Variants in NOL12 observed in about 807,000 individuals in gnomAD.
NOL12 encodes the protein nucleolar protein 12.
Under a neutral mutation model 25.2 loss-of-function variants are expected in NOL12, and 21 were observed. The observed-to-expected ratio is 0.83, with a 90% CI of 0.59 to 1.20. The LOEUF (loss-of-function observed/expected upper bound fraction) is 1.20. NOL12 is among the 50% of genes most tolerant of loss of function. The pLI, the probability that NOL12 is intolerant of heterozygous loss-of-function variation, is 0.00. For missense variants in NOL12, 286 were observed against 287.6 expected (o/e 0.99, Z 0.04); for synonymous variants, 133 against 113.8 (o/e 1.17, Z -1.08).
chr22:37,687,570 C>G (rs767891283), intron 1 of NOL12, among the ~76,000 whole-genome samples: 1 of 152,078 alleles, frequency 6.6e-6, no homozygotes, highest in African/African-American at 2.4e-5. Flanking sequence ...CAATTCTCCC[C>G]GCTCAGCCTC....
In NOL12 at chr22:37,691,387, C is replaced by A. The variant is rs1371089152; in HGVS notation, c.*51C>A. 6.5e-7 allele frequency: 1 copy of A among 1,528,268 alleles called. No individual in the cohort carries two copies. The highest frequency in any genetic ancestry group is 1.4e-5 in the African/African-American group (1 of 72,634). The allele number at this position is 1,528,268 out of a possible 1,614,324, so 94.7% of individuals were successfully genotyped here. On this transcript the variant is annotated 3_prime_UTR_variant, in exon 6 of 6. Coordinates refer to ENST00000359114, the MANE Select transcript of NOL12 (RefSeq NM_024313.3). Reference sequence around the variant, plus strand: ...TCTAGGCTGCGGGGACCTGTCCTTGCTCAGCTTGGCTGTCCCTGTAGCCCA... The same window carrying A: ...TCTAGGCTGCGGGGACCTGTCCTTGATCAGCTTGGCTGTCCCTGTAGCCCA...
At chr22:37,688,270 G>A in intron 2 of NOL12, 42 bp from the exon 3 acceptor site, 1 of 1,605,396 alleles carries the variant, frequency 6.2e-7, no homozygotes, top group Non-Finnish European at 8.5e-7. Flanking sequence ...AGGTTGGACT[G>A]AGAGGCCATA....
rs370018149 is a variant in NOL12, at chr22:37,687,947, C to G, written c.121C>G (p.Arg41Gly). 6.3e-7 allele frequency: 1 copy of G among 1,586,888 alleles called. No homozygotes were observed. Among genetic ancestry groups the G allele is most frequent in the Admixed American group, 1.8e-5 (1 of 56,006 alleles). Reference sequence around the variant, plus strand: ...AGGCTTCCACAAGCGGAAGGTCGAGCGAAAGAAGGCAGCCATTGAGGAGAT... The same window carrying G: ...AGGCTTCCACAAGCGGAAGGTCGAGGGAAAGAAGGCAGCCATTGAGGAGAT... ...LTGFHKRKVE[R>G]KKAAIEEIKQ... Residue 41 changes from arginine to glycine, a missense_variant, in exon 2 of 6, where the codon CGA (arginine) becomes GGA (glycine). Physicochemically the swap from Arg to Gly is moderately radical, Grantham distance 125 (BLOSUM62 -2). Coordinates refer to ENST00000359114, the MANE Select transcript of NOL12 (RefSeq NM_024313.3).
At chr22:37,690,634 G>A in intron 4 of NOL12, 63 bp from the exon 5 acceptor site, 5 of 1,251,856 alleles carry the variant, frequency 4.0e-6, no homozygotes, top group Non-Finnish European at 5.7e-6. Context: ...GGTGGCTCGG[G>A]GTGCCCAGCC....
chr22:37,692,354 C>A lies in NOL12; in HGVS notation c.*1018C>A, dbSNP rs975692345. ...CCTGGGCAACGTTGTGACCTTGTCT[C>A]AAAAAAAAACTAAAAAATAAAGCAG... On this transcript the variant is annotated 3_prime_UTR_variant, in exon 6 of 6. Coordinates refer to ENST00000359114, the MANE Select transcript of NOL12 (RefSeq NM_024313.3). 8.5e-5 allele frequency: 33 copies of A among 387,352 alleles called. No individual in the cohort carries two copies. Among genetic ancestry groups the A allele is most frequent in the Non-Finnish European group, 1.3e-4 (29 of 219,886 alleles). The allele number at this position is 387,352 out of a possible 1,614,324, so 24.0% of individuals were successfully genotyped here.
intron 3 of NOL12, 54 bp from the exon 4 acceptor site, chr22:37,688,796 G>C: frequency 6.2e-7 from 1 of 1,605,378 alleles, no homozygotes; most frequent in Non-Finnish European, 8.5e-7. Flanking sequence ...AGGGAGGCTG[G>C]AGCCTGGTCA....
In NOL12 at chr22:37,691,443, A is replaced by G; in HGVS notation, c.*107A>G. On this transcript the variant is annotated 3_prime_UTR_variant, in exon 6 of 6. Coordinates refer to ENST00000359114, the MANE Select transcript of NOL12 (RefSeq NM_024313.3). ...CACCTAGGTAATGACTGCACAGCTCAAGGTTGGGAAGCCAGGACCTCTCTG... is the reference window on the plus strand; with the variant it reads ...CACCTAGGTAATGACTGCACAGCTCGAGGTTGGGAAGCCAGGACCTCTCTG... The G allele has an allele frequency of 7.8e-7, 1 of 1,275,932 alleles. No individual in the cohort carries two copies. The allele number at this position is 1,275,932 out of a possible 1,614,324, so 79.0% of individuals were successfully genotyped here.
At chr22:37,688,125 G>T (rs1921905039) in intron 2 of NOL12, 110 bp downstream of exon 2, 15 of 1,120,124 alleles carry the variant, frequency 1.3e-5, no homozygotes, top group Non-Finnish European at 1.6e-5. Flanking sequence ...GTGTGGGCAG[G>T]ACTGGGGAAT....
intron 1 of NOL12, 57 bp downstream of exon 1, chr22:37,686,532 G>C (rs1921822305): frequency 6.7e-6 from 10 of 1,483,052 alleles, no homozygotes; most frequent in East Asian, 2.7e-5. Flanking sequence ...GCCAAGGCCA[G>C]GTCTGGGGCC....
chr22:37,687,249 C>A, intron 1 of NOL12: 2 of 237,360 alleles, frequency 8.4e-6, no homozygotes, highest in Non-Finnish European at 1.3e-5. Flanking sequence ...ACCTCATGTA[C>A]TGTGTGTGGC....
rs1395092547 is a variant in NOL12 at position 37,688,963 on chromosome 22, G to A, written c.352G>A (p.Ala118Thr). 2 of 1,613,212 alleles carry A rather than the reference G, an allele frequency of 1.2e-6. No homozygotes were observed. The highest frequency in any genetic ancestry group is 1.3e-5 in the African/African-American group (1 of 74,952). The change falls in exon 4 of 6, where the codon GCC becomes ACC. Residue 118 changes from alanine (A) to threonine (T), a missense_variant. Ala to Thr is a moderately conservative substitution (Grantham distance 58). Transcript: ENST00000359114. ...CATCAGTGACCTGGACCTCTCGGGG[G>A]CCCGGCTGCTCGGGCTGACCCCACC... Reference protein sequence around the residue: ...TTISDLDLSGARLLGLTPPEG... With the variant: ...TTISDLDLSGTRLLGLTPPEG...
At chr22:37,687,054 AGG>A in intron 1 of NOL12, 2 of 985,446 alleles carry the variant, frequency 2.0e-6, no homozygotes, top group East Asian at 2.3e-4. Context: ...GGAAGGAGGT[AGG>A]GAAATGCTGG....
intron 1 of NOL12, chr22:37,687,205 G>A (rs965528350): frequency 3.4e-5 from 18 of 536,556 alleles, no homozygotes; most frequent in Non-Finnish European, 4.0e-5. Context: ...ACCCTGTTGA[G>A]AGAGTAATGA....
chr22:37,690,806 C>T lies in NOL12; in HGVS notation c.479+12C>T. On this transcript the variant is annotated intron_variant, in intron 5 of 5. Coordinates refer to ENST00000359114, the MANE Select transcript of NOL12 (RefSeq NM_024313.3). Reference sequence around the variant, plus strand: ...CTGCTCTCTCAGCGGTGAGTCTTGGCCTGCTGCCTCCCCGGTCCCACCCCT... The same window carrying T: ...CTGCTCTCTCAGCGGTGAGTCTTGGTCTGCTGCCTCCCCGGTCCCACCCCT... The T allele has an allele frequency of 1.3e-6, 2 of 1,587,846 alleles. No individual in the cohort carries two copies. The highest frequency in any genetic ancestry group is 2.2e-5 in the East Asian group (1 of 44,722).
At chr22:37,688,282 T>G (rs1248672374) in intron 2 of NOL12, 30 bp from the exon 3 acceptor site, 1 of 1,613,330 alleles carries the variant, frequency 6.2e-7, no homozygotes, top group African/African-American at 1.3e-5. Flanking sequence ...GAGGCCATAC[T>G]CACTGTGTTC....
Position 37,691,474 on chromosome 22 carries a change from G to C in NOL12, c.*138G>C, listed in dbSNP as rs1922063713. 1 of 977,606 alleles carries C rather than the reference G, an allele frequency of 1.0e-6. No homozygotes were observed. The highest frequency in any genetic ancestry group is 2.5e-5 in the South Asian group (1 of 40,212). 60.6% of individuals were successfully genotyped at this position (977,606 alleles called of 1,614,324 possible). A position where few individuals can be genotyped will look rare whatever the true frequency, so the allele number is the denominator to read the frequency against. On this transcript the variant is annotated 3_prime_UTR_variant, in exon 6 of 6. Coordinates refer to ENST00000359114, the MANE Select transcript of NOL12 (RefSeq NM_024313.3). ...GGGAAGCCAGGACCTCTCTGGCCTG[G>C]GGCCAGCTGCCTTTGCCTGGGGTCA...
chr22:37,688,115 G>C, intron 2 of NOL12, 100 bp downstream of exon 2: 1 of 1,154,854 alleles, frequency 8.7e-7, no homozygotes, highest in Non-Finnish European at 1.3e-6. Flanking sequence ...GGCGATGTGT[G>C]TGTGGGCAGG....
Position 37,688,885 on chromosome 22 carries a change from A to G in NOL12, c.274A>G (p.Lys92Glu). 6.2e-7 allele frequency: 1 copy of G among 1,614,030 alleles called. No homozygotes were observed. The change falls in exon 4 of 6, where the codon AAG becomes GAG. Residue 92 changes from lysine to glutamate, a missense_variant. By Grantham distance (56) the Lys-to-Glu change is moderately conservative. Coordinates refer to ENST00000359114, the MANE Select transcript of NOL12 (RefSeq NM_024313.3). ...TGAGCTGGACCGGTTGGTGACAGCA[A>G]AGACGGAGTCGGTGCAGTATGACCA... ...ADELDRLVTA[K>E]TESVQYDHPN...
In NOL12 at chr22:37,693,100, G is replaced by C. The variant is rs13054856; in HGVS notation, c.*1764G>C. 6 of 170,718 alleles carry C rather than the reference G, an allele frequency of 3.5e-5. No individual in the cohort carries two copies. Among genetic ancestry groups the C allele is most frequent in the African/African-American group, 1.4e-4 (6 of 42,328 alleles). The allele number at this position is 170,718 out of a possible 1,614,324, so 10.6% of individuals were successfully genotyped here. A position where few individuals can be genotyped will look rare whatever the true frequency, so the allele number is the denominator to read the frequency against. ...GCCCTCCAGGTGGCTCTGGTGCTCA[G>C]CCTGCTGTGAGCAGGAACAGCTGAG... On this transcript the variant is annotated 3_prime_UTR_variant, in exon 6 of 6. Transcript: ENST00000359114.
Sources: allele counts gnomAD v4.1 joint callset (sites outside exome capture counted in the v4.1 genomes callset), GRCh38; gene constraint gnomAD v4.1.1; transcripts MANE v1.5; gene names NCBI Gene and HGNC (gene_info 2026-07-23, HGNC 2026-07-21).